KIAA1549L: variants seen among roughly 807,000 people sequenced by gnomAD.
KIAA1549L encodes the protein UPF0606 protein KIAA1549L.
In KIAA1549L, 88 loss-of-function variants were observed where a neutral mutation model predicts 160.7. The ratio of observed to expected loss-of-function variants is 0.55; its 90% CI spans 0.46 to 0.65. The LOEUF (loss-of-function observed/expected upper bound fraction) is 0.65. Ranked by LOEUF, KIAA1549L falls within the 30% of genes least tolerant of loss-of-function variation. The probability of loss-of-function intolerance (pLI) is 0.00; values close to 1 mark genes in which losing one functional copy is unlikely to be tolerated. For missense variants in KIAA1549L, 2,258 were observed against 2,437.5 expected, an observed-to-expected ratio of 0.93 and a Z score of 1.55; for synonymous variants, 950 against 976.7, an observed-to-expected ratio of 0.97 and a Z score of 0.51.
chr11:33,396,627 T>C lies in KIAA1549L; in HGVS notation c.238+19738T>C, dbSNP rs1434513590. On this transcript the variant is annotated intron_variant, in intron 1 of 20. Transcript: ENST00000658780. Reference sequence around the variant, plus strand: ...TGAACTTACTCTTCTCCCTTTAACTTATCAATAGCATTAACTTTCTTTTTT... The same window carrying C: ...TGAACTTACTCTTCTCCCTTTAACTCATCAATAGCATTAACTTTCTTTTTT... Among the ~76,000 whole-genome samples, 6 of 144,730 alleles carry C rather than the reference T, an allele frequency of 4.1e-5. No homozygotes were observed. In the East Asian group the frequency reaches 1.2e-3, roughly 30 times the overall value. The allele number at this position is 144,730 out of a possible 152,430, so 94.9% of individuals were successfully genotyped here.
chr11:33,391,213 A>G (rs1305893754), intron 1 of KIAA1549L, among the ~76,000 whole-genome samples: 1 of 152,214 alleles, frequency 6.6e-6, no homozygotes, highest in Non-Finnish European at 1.5e-5. Context: ...CTTGTGACAT[A>G]TAATTAACCC....
chr11:33,586,862 T>G (rs1031787210), intron 11 of KIAA1549L, among the ~76,000 whole-genome samples: 3 of 152,156 alleles, frequency 2.0e-5, no homozygotes, highest in African/African-American at 7.2e-5. Context: ...TCTTGAACTA[T>G]AGTGAAGATG....
Position 33,658,863 on chromosome 11 carries a change from T to A in KIAA1549L, c.5972T>A (p.Val1991Glu), listed in dbSNP as rs998536873. ...FTQMSRGPVS[V>E]TQLDQSALNY... ...CAGATGTCCAGAGGCCCTGTGTCCG[T>A]GACGCAGTTGGATCAGTCGGCTTTA... The change falls in exon 19 of 21, where the codon GTG becomes GAG. Residue 1991 changes from valine to glutamate, a missense_variant. By Grantham distance (121) the Val-to-Glu change is moderately radical (BLOSUM62 -2). Around this residue, in one of 6 missense-constraint regions of KIAA1549L, gnomAD observed 1,359 missense variants for 1,546.6 expected, o/e 0.88. Transcript: ENST00000658780. The A allele has an allele frequency of 6.4e-7, 1 of 1,561,086 alleles. No homozygotes were observed. Among genetic ancestry groups the A allele is most frequent in the Non-Finnish European group, 8.7e-7 (1 of 1,152,772 alleles).
At chr11:33,589,846 G>A (rs1275271104) in intron 11 of KIAA1549L, among the ~76,000 whole-genome samples, 1 of 152,096 alleles carries the variant, frequency 6.6e-6, no homozygotes, top group Non-Finnish European at 1.5e-5. Context: ...CACCAACGTG[G>A]CACATGTATA....
chr11:33,606,617 C>T (rs981938670), intron 13 of KIAA1549L, 24 bp from the exon 14 acceptor site: 2 of 1,607,390 alleles, frequency 1.2e-6, no homozygotes, highest in South Asian at 1.1e-5. Context: ...ATCATAAAAT[C>T]GATGTGTTTA....
Position 33,668,626 on chromosome 11 carries a change from C to T in KIAA1549L, c.*472C>T, listed in dbSNP as rs997126343. Reference sequence around the variant, plus strand: ...GTATTCTCATTCAACCATGACCGTGCGCATTAAAATCAGTTTGTAAGGGAG... The same window carrying T: ...GTATTCTCATTCAACCATGACCGTGTGCATTAAAATCAGTTTGTAAGGGAG... On this transcript the variant is annotated 3_prime_UTR_variant, in exon 21 of 21. Coordinates refer to ENST00000658780, the MANE Select transcript of KIAA1549L (RefSeq NM_012194.3). 38 of 161,396 alleles carry T rather than the reference C, an allele frequency of 2.4e-4. No individual in the cohort carries two copies. The highest frequency in any genetic ancestry group is 7.0e-4 in the African/African-American group (29 of 41,708). 10.0% of individuals were successfully genotyped at this position (161,396 alleles called of 1,614,324 possible).
intron 1 of KIAA1549L, among the ~76,000 whole-genome samples, chr11:33,523,270 C>A (rs185206481): frequency 2.0e-5 from 3 of 152,286 alleles, no homozygotes; most frequent in Admixed American, 2.0e-4. Flanking sequence ...GTTCTGCAGT[C>A]AACTCATTTG....
At chr11:33,552,661 C>CAT (rs1018348242) in intron 6 of KIAA1549L, among the ~76,000 whole-genome samples, 6 of 112,610 alleles carry the variant, frequency 5.3e-5, no homozygotes, top group African/African-American at 2.9e-4. Flanking sequence ...CCAACACACA[C>CAT]ACACACACAC....
At chr11:33,523,854 G>GT (rs1281172726) in intron 1 of KIAA1549L, among the ~76,000 whole-genome samples, 2 of 152,232 alleles carry the variant, frequency 1.3e-5, no homozygotes, top group South Asian at 2.1e-4. Context: ...ACAGGTTTCT[G>GT]TTTTTTATGG....
At chr11:33,590,370 C>T (rs1850017763) in intron 11 of KIAA1549L, among the ~76,000 whole-genome samples, 1 of 152,232 alleles carries the variant, frequency 6.6e-6, no homozygotes. Context: ...ACCCACCACA[C>T]TGTCCTGCCT....
At chr11:33,615,785 G>A (rs561062058) in intron 15 of KIAA1549L, among the ~76,000 whole-genome samples, 11 of 152,194 alleles carry the variant, frequency 7.2e-5, no homozygotes, top group Non-Finnish European at 1.6e-4. Flanking sequence ...GCTAATCTTA[G>A]TATTTACTCC....
At chr11:33,565,904 C>T (rs900570219) in intron 8 of KIAA1549L, among the ~76,000 whole-genome samples, 1 of 151,976 alleles carries the variant, frequency 6.6e-6, no homozygotes, top group African/African-American at 2.4e-5. Flanking sequence ...GCCCAGGCTA[C>T]TTGGAGGCAG....
Position 33,543,466 on chromosome 11 carries a change from A to G in KIAA1549L, c.1903A>G (p.Thr635Ala). ...ACCTTCCATACTCTCCATACAAGCC[A>G]CCCAGACTGTTTTCCCATCTCTTGG... ...PLPSILSIQA[T>A]QTVFPSLGFS... Residue 635 changes from threonine to alanine, a missense_variant, in exon 2 of 21, where the codon ACC (threonine) becomes GCC (alanine). This residue lies in a region of KIAA1549L where 20 missense variants were observed against 23.2 expected (regional missense o/e 0.86). Coordinates refer to ENST00000658780, the MANE Select transcript of KIAA1549L (RefSeq NM_012194.3). 6.2e-7 allele frequency: 1 copy of G among 1,613,928 alleles called. No homozygotes were observed. Among genetic ancestry groups the G allele is most frequent in the Non-Finnish European group, 8.5e-7 (1 of 1,179,880 alleles).
At chr11:33,409,765 T>G (rs974342735) in intron 1 of KIAA1549L, among the ~76,000 whole-genome samples, 5 of 103,098 alleles carry the variant, frequency 4.8e-5, no homozygotes, top group African/African-American at 1.3e-4. Flanking sequence ...TGTTCTCACC[T>G]CTTTTTTTTT....
chr11:33,475,339 T>C (rs1480323096), intron 1 of KIAA1549L, among the ~76,000 whole-genome samples: 1 of 152,182 alleles, frequency 6.6e-6, no homozygotes, highest in Admixed American at 6.5e-5. Context: ...CTGTTTCTTC[T>C]CCGTTTAATG....
At position 33,579,008 on chromosome 11, in the gene KIAA1549L, G is replaced by A. The variant is rs895031007; in HGVS notation, c.4402+4135G>A. Among the ~76,000 whole-genome samples the A allele has an allele frequency of 5.9e-5, 9 of 152,290 alleles. No homozygotes were observed. The South Asian group carries it at 6.2e-4, about 11-fold the overall frequency. On this transcript the variant is annotated intron_variant, in intron 10 of 20. Coordinates refer to ENST00000658780, the MANE Select transcript of KIAA1549L (RefSeq NM_012194.3). ...TCACCAGATGCCTCTGCTAGGTGCC[G>A]AGAGAGGCATGTGGTTAGGAGACAC... is the stretch of plus-strand genomic sequence containing the variant.
At chr11:33,473,377 C>G (rs182621397) in intron 1 of KIAA1549L, among the ~76,000 whole-genome samples, 2 of 152,038 alleles carry the variant, frequency 1.3e-5, no homozygotes, top group Non-Finnish European at 2.9e-5. Context: ...CAATCTTGGG[C>G]GAACAGGGGA....
intron 1 of KIAA1549L, among the ~76,000 whole-genome samples, chr11:33,468,567 GC>G (rs923723119): frequency 8.5e-5 from 13 of 152,170 alleles, no homozygotes; most frequent in Admixed American, 6.5e-5. Flanking sequence ...TATTGACAGT[GC>G]CCTTATCTTC....
At chr11:33,451,532 A>G (rs1013940904) in intron 1 of KIAA1549L, among the ~76,000 whole-genome samples, 4 of 152,234 alleles carry the variant, frequency 2.6e-5, no homozygotes, top group Non-Finnish European at 5.9e-5. Context: ...GGGCAAATTT[A>G]TCATCCTGCG....
Sources: gnomAD v4.1 joint callset for allele counts (sites outside exome capture counted in the v4.1 genomes callset) on GRCh38, gnomAD v4.1.1 for gene constraint, gnomAD v4.1.1 regional missense constraint, MANE v1.5 for transcripts, NCBI Gene and HGNC (gene_info 2026-07-23, HGNC 2026-07-21) for gene names.